Variants in STK10 observed in about 807,000 individuals in gnomAD.
The protein encoded by STK10 is serine/threonine kinase 10, also known as serine/threonine-protein kinase 10.
In STK10, 78 loss-of-function variants were observed where a neutral mutation model predicts 113.8. That is an observed-to-expected ratio of 0.69 (90% CI 0.57 to 0.83). The LOEUF (loss-of-function observed/expected upper bound fraction) is 0.83. STK10 is among the 40% of genes least tolerant of loss of function. The pLI is 0.00. For synonymous variants in STK10, 465 were observed against 494.7 expected, an observed-to-expected ratio of 0.94 and a Z score of 0.80; for missense variants, 1,109 against 1,280.1, an observed-to-expected ratio of 0.87 and a Z score of 2.04.
intron 13 of STK10, 75 bp downstream of exon 13, chr5:172,064,645 G>A (rs1768025364): frequency 6.7e-7 from 1 of 1,501,720 alleles, no homozygotes; most frequent in Non-Finnish European, 9.3e-7. Flanking sequence ...TTGGGCAAAG[G>A]CAGAGAGGGG....
intron 12 of STK10, among the ~76,000 whole-genome samples, chr5:172,071,190 C>T (rs1359678132): frequency 9.1e-6 from 1 of 110,274 alleles, no homozygotes; most frequent in East Asian, 2.7e-4. Flanking sequence ...GCCTGGGCGA[C>T]AGAGTGAGAC....
chr5:172,162,197 C>T (rs1489684049), intron 1 of STK10, among the ~76,000 whole-genome samples: 1 of 151,912 alleles, frequency 6.6e-6, no homozygotes, highest in Non-Finnish European at 1.5e-5. Flanking sequence ...AAAAATTAGC[C>T]AGGCAGGGTG....
At chr5:172,180,538 C>T (rs867016590) in intron 1 of STK10, among the ~76,000 whole-genome samples, 1 of 151,974 alleles carries the variant, frequency 6.6e-6, no homozygotes, top group Admixed American at 6.6e-5. Flanking sequence ...CGCCTGTAAT[C>T]CCAGCACTTT....
intron 1 of STK10, among the ~76,000 whole-genome samples, chr5:172,181,223 G>A (rs574411374): frequency 1.4e-4 from 22 of 152,224 alleles, no homozygotes; most frequent in African/African-American, 4.6e-4. Flanking sequence ...CCTACTTACC[G>A]CAGCATGTGC....
chr5:172,047,092 G>A (rs1032406918), intron 18 of STK10, among the ~76,000 whole-genome samples: 5 of 152,178 alleles, frequency 3.3e-5, no homozygotes, highest in African/African-American at 1.2e-4. Flanking sequence ...TCCATACAAG[G>A]CAGGGGGTTC....
At position 172,061,144 on chromosome 5, in the gene STK10, A is replaced by C; in HGVS notation, c.2207T>G (p.Leu736Arg). 1 of 1,610,788 alleles carries C rather than the reference A, an allele frequency of 6.2e-7. No individual in the cohort carries two copies. Among genetic ancestry groups the C allele is most frequent in the Non-Finnish European group, 8.5e-7 (1 of 1,179,074 alleles). Residue 736 changes from leucine to arginine, a missense_variant, in exon 14 of 19, where the codon CTT becomes CGT. Transcript: ENST00000176763. ...TGCCACTTGCACACCCCCACCTCGAAGGAGCTCCTGCTTCTTCATGAGGCA... is the reference window on the plus strand; with the variant it reads ...TGCCACTTGCACACCCCCACCTCGACGGAGCTCCTGCTTCTTCATGAGGCA... The part of the protein sequence containing the change: ...RECLMKKQEL[L>R]RDREAALWEM...
At chr5:172,102,437 C>T (rs540826937) in intron 7 of STK10, among the ~76,000 whole-genome samples, 262 of 152,254 alleles carry the variant, frequency 1.7e-3, no homozygotes, top group Middle Eastern at 3.4e-3. Flanking sequence ...CACTGGACCT[C>T]CGGGGAGTCA....
chr5:172,162,809 G>C (rs1009141123), intron 1 of STK10, among the ~76,000 whole-genome samples: 4 of 152,218 alleles, frequency 2.6e-5, no homozygotes, highest in Non-Finnish European at 4.4e-5. Context: ...TGGGTTTCCT[G>C]AAAAGGGATG....
intron 12 of STK10, among the ~76,000 whole-genome samples, chr5:172,076,134 T>C (rs1344916294): frequency 6.6e-6 from 1 of 151,106 alleles, no homozygotes; most frequent in African/African-American, 2.4e-5. Context: ...GAGTTCTTTG[T>C]TGTGGGGGCT....
chr5:172,165,101 G>C (rs959655156), intron 1 of STK10, among the ~76,000 whole-genome samples: 1 of 152,156 alleles, frequency 6.6e-6, no homozygotes, highest in Non-Finnish European at 1.5e-5. Context: ...GCCCAGTCAG[G>C]GGCTGGGGGC....
chr5:172,129,531 G>A (rs755674523), intron 2 of STK10, among the ~76,000 whole-genome samples: 2 of 152,240 alleles, frequency 1.3e-5, no homozygotes, highest in African/African-American at 2.4e-5. Context: ...CGCCAAGGAA[G>A]AGGTACTTCC....
intron 12 of STK10, among the ~76,000 whole-genome samples, chr5:172,070,520 T>C (rs1387320782): frequency 2.0e-5 from 3 of 147,922 alleles, no homozygotes; most frequent in Admixed American, 2.0e-4. Context: ...TTAAGTGAAA[T>C]TTATAGCATT....
intron 12 of STK10, among the ~76,000 whole-genome samples, chr5:172,067,849 A>G (rs1345033776): frequency 6.6e-6 from 1 of 151,874 alleles, no homozygotes; most frequent in East Asian, 1.9e-4. Context: ...GCTCAATGAA[A>G]CCCAAACAGG....
chr5:172,049,725 G>T (rs1767585542), intron 18 of STK10, among the ~76,000 whole-genome samples: 1 of 152,190 alleles, frequency 6.6e-6, no homozygotes, highest in African/African-American at 2.4e-5. Context: ...AAAACTTCTG[G>T]AGCTTCTGGA....
rs889262897 is a variant in STK10, at chr5:172,130,407, T to C, written c.322-2986A>G. Among the ~76,000 whole-genome samples, 4 of 152,144 alleles carry C rather than the reference T, an allele frequency of 2.6e-5. 1 individual carries two copies. Among genetic ancestry groups the C allele is most frequent in the African/African-American group, 9.6e-5 (4 of 41,508 alleles). On this transcript the variant is annotated intron_variant, in intron 2 of 18. Coordinates refer to ENST00000176763, the MANE Select transcript of STK10 (RefSeq NM_005990.4). ...GTAGCCAGGTGTGGTGGCGGGCACC[T>C]GTAATCCCAGCTACTTGGGAGGCGG...
In STK10 at chr5:172,136,591, C is replaced by A. The variant is rs562143819; in HGVS notation, c.322-9170G>T. ...CAGCCTGGGCGACAGAGCGAGACTCCGTCTCAAAATAAATAAATAAATAAA... is the reference window on the plus strand; with the variant it reads ...CAGCCTGGGCGACAGAGCGAGACTCAGTCTCAAAATAAATAAATAAATAAA... On this transcript the variant is annotated intron_variant, in intron 2 of 18. Transcript: ENST00000176763. Among the ~76,000 whole-genome samples the A allele has an allele frequency of 7.3e-4, 105 of 143,428 alleles. 1 individual carries two copies. Among genetic ancestry groups the A allele is most frequent in the African/African-American group, 2.8e-3 (102 of 37,062 alleles). The allele number at this position is 143,428 out of a possible 152,430, so 94.1% of individuals were successfully genotyped here. A position where few individuals can be genotyped will look rare whatever the true frequency, so the allele number is the denominator to read the frequency against.
At chr5:172,131,194 C>T (rs986550190) in intron 2 of STK10, among the ~76,000 whole-genome samples, 3 of 152,042 alleles carry the variant, frequency 2.0e-5, no homozygotes, top group Non-Finnish European at 4.4e-5. Context: ...CCACCACATC[C>T]GGCTAATTTT....
Position 172,091,240 on chromosome 5 carries a change from G to A in STK10, c.1555-878C>T, listed in dbSNP as rs191995155. ...GCGCATGGTGCCAAAATCCAAAGGA[G>A]CCCGAAAACCAAAGGCTGTTTTTAT... On this transcript the variant is annotated intron_variant, in intron 9 of 18. Coordinates refer to ENST00000176763, the MANE Select transcript of STK10 (RefSeq NM_005990.4). Among the ~76,000 whole-genome samples, 3 of 152,278 alleles carry A rather than the reference G, an allele frequency of 2.0e-5. No homozygotes were observed. In the East Asian group the frequency reaches 5.8e-4, roughly 29 times the overall value.
chr5:172,114,833 TTTGATAAGGGCTTC>T (rs1333468739), intron 4 of STK10: 1 of 151,824 alleles, frequency 6.6e-6, no homozygotes, highest in Non-Finnish European at 1.5e-5. Flanking sequence ...CGCGTGCCCA[TTTGATAAGGGCTTC>T]GTCTTCCGGT....
Sources: allele counts gnomAD v4.1 joint callset (sites outside exome capture counted in the v4.1 genomes callset), GRCh38; gene constraint gnomAD v4.1.1; transcripts MANE v1.5; gene names NCBI Gene and HGNC (gene_info 2026-07-23, HGNC 2026-07-21).